Variants in MICAL3 observed in about 807,000 individuals in gnomAD.
MICAL3 encodes the protein microtubule associated monooxygenase, calponin and LIM domain containing 3.
MICAL3 carries 62 observed loss-of-function variants against 207.4 expected under a neutral mutation model. The observed-to-expected ratio is 0.30, with a 90% CI of 0.24 to 0.37. MICAL3 has a LOEUF of 0.37. Ranked by LOEUF, MICAL3 falls within the 10% of genes least tolerant of loss-of-function variation. The probability of loss-of-function intolerance (pLI) is 1.00; values close to 1 mark genes in which losing one functional copy is unlikely to be tolerated. For missense variants in MICAL3, 2,368 were observed against 2,635.6 expected (o/e 0.90, Z 2.22); for synonymous variants, 1,077 against 1,069.3 (o/e 1.01, Z -0.14).
At chr22:17,864,167 G>A (rs1193125687) in intron 19 of MICAL3, 8 of 988,832 alleles carry the variant, frequency 8.1e-6, no homozygotes, top group Admixed American at 1.2e-4. Context: ...CAAACCCTGC[G>A]AGTCCTGTCA....
chr22:17,810,932 C>A, intron 27 of MICAL3, 119 bp from the exon 28 acceptor site: 1 of 737,532 alleles, frequency 1.4e-6, no homozygotes, highest in Non-Finnish European at 2.4e-6. Context: ...GGTACCCGGG[C>A]AGATAGGACA....
chr22:17,882,398 A>T (rs574901023), intron 16 of MICAL3, among the ~76,000 whole-genome samples: 1 of 152,132 alleles, frequency 6.6e-6, no homozygotes, highest in East Asian at 1.9e-4. Context: ...ATGAGTCACA[A>T]TGGGATGCTG....
At chr22:17,913,007 C>A (rs553981083) in intron 1 of MICAL3, among the ~76,000 whole-genome samples, 28 of 152,246 alleles carry the variant, frequency 1.8e-4, no homozygotes, top group Middle Eastern at 3.4e-3. Flanking sequence ...TCTTCTATTC[C>A]TAGTCTGGTG....
intron 1 of MICAL3, among the ~76,000 whole-genome samples, chr22:17,969,387 A>G (rs1277048759): frequency 1.3e-5 from 2 of 152,224 alleles, no homozygotes; most frequent in African/African-American, 2.4e-5. Flanking sequence ...AAGGGACGAG[A>G]AAGAAATGTA....
intron 1 of MICAL3, among the ~76,000 whole-genome samples, chr22:17,998,770 G>A (rs1922605774): frequency 6.6e-6 from 1 of 152,012 alleles, no homozygotes. Flanking sequence ...GGCCAGGCTG[G>A]TCTTGAACTC....
chr22:17,908,644 C>A (rs2085878958), intron 1 of MICAL3, among the ~76,000 whole-genome samples: 1 of 152,312 alleles, frequency 6.6e-6, no homozygotes, highest in African/African-American at 2.4e-5. Context: ...CTGAGAAATC[C>A]ACATGCCCAC....
chr22:17,878,064 A>C (rs1017801492), intron 16 of MICAL3, among the ~76,000 whole-genome samples: 3 of 152,250 alleles, frequency 2.0e-5, no homozygotes, highest in East Asian at 3.9e-4. Flanking sequence ...TGTGTTAGCC[A>C]GGATGGTCTC....
At position 17,902,946 on chromosome 22, in the gene MICAL3, TG is replaced by T. The variant is rs1360043707; in HGVS notation, c.473-200del. Among the ~76,000 whole-genome samples the T allele has an allele frequency of 1.3e-5, 2 of 152,222 alleles. No homozygotes were observed. Among genetic ancestry groups the T allele is most frequent in the African/African-American group, 4.8e-5 (2 of 41,452 alleles). ...GGCAAATATAACCCAGTGGAAGAGCTGTTCTAGAGCAACACACAGGACACTC... is the reference window on the plus strand; with the variant it reads ...GGCAAATATAACCCAGTGGAAGAGCTTTCTAGAGCAACACACAGGACACTC... On this transcript the variant is annotated intron_variant, in intron 3 of 31. Transcript: ENST00000441493. The surrounding 1 kb of genome is among the most constrained non-coding windows in gnomAD (Gnocchi z 4.5).
chr22:17,861,716 G>A (rs939390405), intron 19 of MICAL3: 7 of 985,394 alleles, frequency 7.1e-6, no homozygotes, highest in Admixed American at 6.1e-5. Context: ...GCAGTAGTAA[G>A]TATAAGCTTG....
rs138870480 is a variant in MICAL3, at chr22:17,989,654, G to A, written c.-75+34627C>T. 1.9e-3 allele frequency among the ~76,000 whole-genome samples: 288 copies of A among 152,196 alleles called. 2 individuals carry two copies. The highest frequency in any genetic ancestry group is 6.2e-3 in the African/African-American group (258 of 41,540). ...GCACAGTTCAAATTGCATCTCCTCC[G>A]TAGGCCCACAGAAGTCAACATGGTC... On this transcript the variant is annotated intron_variant, in intron 1 of 31. Transcript: ENST00000441493.
chr22:17,850,597 A>G (rs1602052434), intron 19 of MICAL3, among the ~76,000 whole-genome samples: 3 of 151,356 alleles, frequency 2.0e-5, no homozygotes, highest in South Asian at 4.2e-4. Context: ...TTTTTAGTAG[A>G]GATGAGGTTT....
chr22:17,835,524 A>G (rs1219325174), intron 20 of MICAL3, among the ~76,000 whole-genome samples: 1 of 151,958 alleles, frequency 6.6e-6, no homozygotes, highest in Non-Finnish European at 1.5e-5. Context: ...GGCTCCCAGC[A>G]CCTGCATCTC....
intron 19 of MICAL3, 122 bp downstream of exon 19, chr22:17,864,777 T>C (rs1231260205): frequency 3.1e-6 from 5 of 1,613,830 alleles, no homozygotes; most frequent in Non-Finnish European, 4.2e-6. Flanking sequence ...CCAGAGGGTT[T>C]TGGGCCACTT....
chr22:18,003,056 A>G (rs987045152), intron 1 of MICAL3, among the ~76,000 whole-genome samples: 6 of 151,572 alleles, frequency 4.0e-5, no homozygotes, highest in Admixed American at 1.3e-4. Flanking sequence ...GCTACTCAGG[A>G]GGCTGAGGCA....
intron 1 of MICAL3, among the ~76,000 whole-genome samples, chr22:17,929,093 CT>C (rs58091241): frequency 2.6e-3 from 357 of 137,514 alleles, no homozygotes; most frequent in Admixed American, 5.2e-3. Flanking sequence ...GTGCCCGGCC[CT>C]TTTTTTTTTT....
intron 1 of MICAL3, among the ~76,000 whole-genome samples, chr22:17,922,768 A>G (rs1932830530): frequency 6.6e-6 from 1 of 152,136 alleles, no homozygotes; most frequent in African/African-American, 2.4e-5. Flanking sequence ...CTCAAACCCA[A>G]GCAGTGTGTC....
At chr22:17,929,832 T>G (rs1207208971) in intron 1 of MICAL3, among the ~76,000 whole-genome samples, 1 of 152,230 alleles carries the variant, frequency 6.6e-6, no homozygotes, top group Non-Finnish European at 1.5e-5. Flanking sequence ...CCTCCCAAAG[T>G]GCTGGGATTA....
At chr22:17,896,446 T>G (rs1930837749) in intron 8 of MICAL3, 85 bp from the exon 9 acceptor site, 2 of 902,306 alleles carry the variant, frequency 2.2e-6, no homozygotes, top group Non-Finnish European at 3.5e-6. Flanking sequence ...AAGAGTTTGC[T>G]GTCGACAGTA....
At chr22:17,862,261 T>C in intron 19 of MICAL3, 3 of 983,068 alleles carry the variant, frequency 3.1e-6, no homozygotes, top group South Asian at 9.4e-5. Flanking sequence ...TCCCTTTTCT[T>C]CTTTTTTTTT....
Sources: allele counts gnomAD v4.1 joint callset (sites outside exome capture counted in the v4.1 genomes callset), GRCh38; gene constraint gnomAD v4.1.1; non-coding constraint Gnocchi (gnomAD v3.1); transcripts MANE v1.5; gene names NCBI Gene and HGNC (gene_info 2026-07-23, HGNC 2026-07-21).